Variants in PVT1 observed in about 807,000 individuals in gnomAD.
PVT1 encodes the protein CXCR4/PVT1 fusion.
intron 2 of PVT1, among the ~76,000 whole-genome samples, chr8:127,862,075 G>T (rs1210705390): frequency 6.6e-6 from 1 of 152,190 alleles, no homozygotes; most frequent in Non-Finnish European, 1.5e-5. Flanking sequence ...CCAATAGTGT[G>T]AGCATTCTAA....
At chr8:128,025,408 G>T (rs78756310) in intron 4 of PVT1, among the ~76,000 whole-genome samples, 58 of 152,262 alleles carry the variant, frequency 3.8e-4, no homozygotes, top group African/African-American at 1.2e-3. Context: ...CAGGAGGCCT[G>T]CGCAATGTGC....
rs190293155 is a variant in PVT1, at chr8:127,985,295, G to A, written n.783-3867G>A. 7.6e-4 allele frequency among the ~76,000 whole-genome samples: 115 copies of A among 151,974 alleles called. 1 individual carries two copies. The Middle Eastern group carries it at 0.017, about 22-fold the overall frequency. On this transcript the variant is annotated intron_variant and non_coding_transcript_variant, in intron 3 of 10. Coordinates refer to ENST00000651587, the Ensembl canonical transcript of PVT1. ...GATCCTCCCCTCTCGGCCTCCCAAA[G>A]TGTTGGGATTACAGGCGTGAGCCAC...
intron 4 of PVT1, among the ~76,000 whole-genome samples, chr8:128,026,910 T>G (rs964269148): frequency 6.6e-6 from 1 of 152,132 alleles, no homozygotes; most frequent in African/African-American, 2.4e-5. Context: ...TGGAGCAGAA[T>G]CTGGGACCCT....
intron 3 of PVT1, among the ~76,000 whole-genome samples, chr8:127,896,266 C>T (rs892231137): frequency 6.6e-6 from 1 of 151,880 alleles, no homozygotes; most frequent in African/African-American, 2.4e-5. Context: ...GGGGGTGCTG[C>T]ATTGACAAGG....
chr8:128,076,006 G>A (rs951483904), intron 5 of PVT1, among the ~76,000 whole-genome samples: 4 of 152,224 alleles, frequency 2.6e-5, no homozygotes, highest in East Asian at 3.9e-4. Context: ...TGTAAAATTC[G>A]AAGTGTTGTC....
chr8:127,982,980 C>T (rs2129982746), intron 3 of PVT1, among the ~76,000 whole-genome samples: 1 of 152,236 alleles, frequency 6.6e-6, no homozygotes. Flanking sequence ...GATGGGAGTA[C>T]ACAGGGCAGG....
At chr8:127,965,771 G>C (rs1816697060) in intron 3 of PVT1, among the ~76,000 whole-genome samples, 1 of 152,180 alleles carries the variant, frequency 6.6e-6, no homozygotes, top group African/African-American at 2.4e-5. Context: ...TCAGGTGTTG[G>C]GTGCAGAACA....
At position 127,984,879 on chromosome 8, in the gene PVT1, T is replaced by TTCTTTCTTTCTTTCTTTC. The variant is rs1816932680; in HGVS notation, n.783-4281_783-4264dup. Reference sequence around the variant, plus strand: ...TTTCTTTCTTTCTTTCTTTCTTTCTTTCTTTCTTTCTTTCTTTCTTTCTTT... The same window carrying TTCTTTCTTTCTTTCTTTC: ...TTTCTTTCTTTCTTTCTTTCTTTCTTTCTTTCTTTCTTTCTTTCTCTTTCTTTCTTTCTTTCTTTCTTT... On this transcript the variant is annotated intron_variant and non_coding_transcript_variant, in intron 3 of 10. Coordinates refer to ENST00000651587, the Ensembl canonical transcript of PVT1. 2.3e-5 allele frequency among the ~76,000 whole-genome samples: 2 copies of TTCTTTCTTTCTTTCTTTC among 87,944 alleles called. 1 individual carries two copies. Among genetic ancestry groups the TTCTTTCTTTCTTTCTTTC allele is most frequent in the East Asian group, 7.1e-4 (2 of 2,816 alleles). The allele number at this position is 87,944 out of a possible 152,430, so 57.7% of individuals were successfully genotyped here.
Position 127,859,140 on chromosome 8 carries a change from A to G in PVT1, n.373-31449A>G, listed in dbSNP as rs532526582. Reference sequence around the variant, plus strand: ...TCGTTTGTAATGGCACTCTTAAGTGAGATAAATTGAGTATTTTCTTCCTCA... The same window carrying G: ...TCGTTTGTAATGGCACTCTTAAGTGGGATAAATTGAGTATTTTCTTCCTCA... On this transcript the variant is annotated intron_variant and non_coding_transcript_variant, in intron 2 of 10. Transcript: ENST00000651587. 2.0e-5 allele frequency among the ~76,000 whole-genome samples: 3 copies of G among 152,154 alleles called. No homozygotes were observed. The East Asian group carries it at 5.8e-4, about 29-fold the overall frequency.
intron 3 of PVT1, among the ~76,000 whole-genome samples, chr8:127,945,124 C>T (rs1286255121): frequency 1.3e-5 from 2 of 152,066 alleles, no homozygotes; most frequent in African/African-American, 4.8e-5. Context: ...GAACAGTGGC[C>T]GAGTGTTTTT....
chr8:127,907,054 G>A (rs1368182749), intron 3 of PVT1, among the ~76,000 whole-genome samples: 1 of 151,002 alleles, frequency 6.6e-6, no homozygotes, highest in Non-Finnish European at 1.5e-5. Flanking sequence ...TCCCTCTCCC[G>A]GGCTCAAGCA....
chr8:127,868,930 A>G (rs1264016378), intron 2 of PVT1, among the ~76,000 whole-genome samples: 1 of 150,952 alleles, frequency 6.6e-6, no homozygotes, highest in Non-Finnish European at 1.5e-5. Context: ...ACACTTTGGT[A>G]TTCAGGAGTT....
chr8:128,017,716 C>T (rs1339071077), intron 4 of PVT1, among the ~76,000 whole-genome samples: 2 of 152,012 alleles, frequency 1.3e-5, no homozygotes, highest in Non-Finnish European at 2.9e-5. Flanking sequence ...GAATTATAGG[C>T]GTGAGCCATC....
intron 2 of PVT1, among the ~76,000 whole-genome samples, chr8:127,865,989 C>T (rs550429727): frequency 4.6e-5 from 7 of 152,174 alleles, no homozygotes; most frequent in Non-Finnish European, 8.8e-5. Flanking sequence ...TGCAGATCAG[C>T]GAGATAAAGG....
At chr8:127,796,269 T>C (rs185180045) in intron 2 of PVT1, among the ~76,000 whole-genome samples, 1 of 152,292 alleles carries the variant, frequency 6.6e-6, no homozygotes, top group East Asian at 1.9e-4. Context: ...TCTGATTAAC[T>C]TTCCTTTTCC....
chr8:128,059,414 T>C (rs2608057), intron 4 of PVT1, among the ~76,000 whole-genome samples: 5,277 of 152,236 alleles, frequency 0.035, 185 homozygotes, highest in East Asian at 0.19. Flanking sequence ...ACTGTATTTG[T>C]ACAATCCTAG....
chr8:127,900,561 A>G (rs1586428138), intron 3 of PVT1, among the ~76,000 whole-genome samples: 1 of 152,200 alleles, frequency 6.6e-6, no homozygotes, highest in African/African-American at 2.4e-5. Context: ...CATAACGTAT[A>G]AGATGTCTGC....
chr8:127,900,638 T>C (rs1279934243), intron 3 of PVT1, among the ~76,000 whole-genome samples: 1 of 152,218 alleles, frequency 6.6e-6, no homozygotes, highest in Non-Finnish European at 1.5e-5. Context: ...ATTCATTCCC[T>C]GGGCCACAGA....
rs74305922 is a variant in PVT1 at position 127,799,285 on chromosome 8, A to C, written n.372+3214A>C. Among the ~76,000 whole-genome samples the C allele has an allele frequency of 4.6e-5, 7 of 152,192 alleles. No individual in the cohort carries two copies. The South Asian group carries it at 1.0e-3, about 23-fold the overall frequency. On this transcript the variant is annotated intron_variant and non_coding_transcript_variant, in intron 2 of 10. Transcript: ENST00000651587. ...TCAAGAGCTGCTGCTTCAGCCCGGC[A>C]TGGTGGCTTATGCCTATAATTTTTG...
Sources: gnomAD v4.1 joint callset for allele counts (sites outside exome capture counted in the v4.1 genomes callset) on GRCh38, gnomAD v4.1.1 for gene constraint, MANE v1.5 for transcripts, NCBI Gene and HGNC (gene_info 2026-07-23, HGNC 2026-07-21) for gene names.